SUPT5H: variants seen among roughly 807,000 people sequenced by gnomAD.
SUPT5H encodes the protein SPT5 homolog, DSIF elongation factor subunit.
SUPT5H carries 24 observed loss-of-function variants against 142.5 expected under a neutral mutation model. The observed-to-expected ratio is 0.17, with a 90% CI of 0.12 to 0.24. The LOEUF is 0.24. SUPT5H is among the 10% of genes least tolerant of loss of function. SUPT5H has a pLI of 1.00. For synonymous variants in SUPT5H, 546 were observed against 553.0 expected (o/e 0.99, Z 0.18); for missense variants, 893 against 1,471.8 (o/e 0.61, Z 6.43).
intron 2 of SUPT5H, among the ~76,000 whole-genome samples, chr19:39,446,984 G>C (rs757138182): frequency 1.3e-5 from 2 of 152,196 alleles, no homozygotes; most frequent in Non-Finnish European, 2.9e-5. Context: ...CTGCAGCCTG[G>C]GCGACGAGCA....
chr19:39,474,942 C>T lies in SUPT5H; in HGVS notation c.3024+224C>T. 1.7e-6 allele frequency: 1 copy of T among 600,432 alleles called. No individual in the cohort carries two copies. The highest frequency in any genetic ancestry group is 3.0e-6 in the Non-Finnish European group (1 of 338,854). 37.2% of individuals were successfully genotyped at this position (600,432 alleles called of 1,614,324 possible). On this transcript the variant is annotated intron_variant, in intron 28 of 29. Coordinates refer to ENST00000432763, the MANE Select transcript of SUPT5H (RefSeq NM_001111020.3). This position sits in a 1 kb window ranked among gnomAD's most constrained non-coding sequence, Gnocchi z 6.5. ...GGGGAAGGAGAAATCTGAGCCAAGA[C>T]CTGACAAATGAATAGGAGTAAGCTA...
intron 1 of SUPT5H, 25 bp downstream of exon 1, chr19:39,445,662 G>C: frequency 1.7e-6 from 1 of 573,406 alleles, no homozygotes. Flanking sequence ...AGAGGTGGCA[G>C]TTCCGGGCGC....
intron 2 of SUPT5H, among the ~76,000 whole-genome samples, chr19:39,446,491 CAT>C: frequency 6.6e-6 from 1 of 152,278 alleles, no homozygotes. Flanking sequence ...TGAGGGGTGA[CAT>C]TTGAGCAAAA....
chr19:39,461,821 CAAAA>C (rs747295729), intron 10 of SUPT5H, among the ~76,000 whole-genome samples: 24,445 of 128,368 alleles, frequency 0.19, 2,167 homozygotes, highest in Non-Finnish European at 0.2. Flanking sequence ...GAGACTGTCT[CAAAA>C]AAAAAAAAAA....
chr19:39,449,645 T>A (rs1230840426), intron 2 of SUPT5H, among the ~76,000 whole-genome samples: 4 of 149,720 alleles, frequency 2.7e-5, no homozygotes, highest in Non-Finnish European at 4.4e-5. Context: ...AAGGTTAGTT[T>A]GGTTTTTTTT....
intron 28 of SUPT5H, 68 bp from the exon 29 acceptor site, chr19:39,476,013 C>A: frequency 6.9e-7 from 1 of 1,443,248 alleles, no homozygotes; most frequent in Non-Finnish European, 9.7e-7. Context: ...GCCTGTGTCC[C>A]CTGGAGTATG....
rs1407665166 is a variant in SUPT5H at position 39,470,885 on chromosome 19, A to G, written c.1677+362A>G. On this transcript the variant is annotated intron_variant, in intron 18 of 29. Transcript: ENST00000432763. This position sits in a 1 kb window ranked among gnomAD's most constrained non-coding sequence, Gnocchi z 5.8. Reference sequence around the variant, plus strand: ...GGAGTCATGGAGCACAGTACTTAGGATCCTGGACTCCACATCCACATCTTG... The same window carrying G: ...GGAGTCATGGAGCACAGTACTTAGGGTCCTGGACTCCACATCCACATCTTG... Among the ~76,000 whole-genome samples, 1 of 151,894 alleles carries G rather than the reference A, an allele frequency of 6.6e-6. No homozygotes were observed. Among genetic ancestry groups the G allele is most frequent in the Non-Finnish European group, 1.5e-5 (1 of 67,974 alleles).
In SUPT5H at chr19:39,469,509, G is replaced by A. The variant is rs1445091228; in HGVS notation, c.1374+111G>A. ...TGACACCTGGTTTCCAGGAGGGTAA[G>A]TTGAGGCCCTTCTAGCATTCTCAGG... On this transcript the variant is annotated intron_variant, in intron 16 of 29. Transcript: ENST00000432763. The surrounding 1 kb of genome is among the most constrained non-coding windows in gnomAD (Gnocchi z 5.1). The A allele has an allele frequency of 4.0e-6, 6 of 1,490,544 alleles. No individual in the cohort carries two copies. The Admixed American group carries it at 5.6e-5, about 14-fold the overall frequency. 92.3% of individuals were successfully genotyped at this position (1,490,544 alleles called of 1,614,324 possible). A position where few individuals can be genotyped will look rare whatever the true frequency, so the allele number is the denominator to read the frequency against.
chr19:39,445,986 G>T, intron 2 of SUPT5H, 21 bp downstream of exon 2: 2 of 1,607,360 alleles, frequency 1.2e-6, no homozygotes, highest in Non-Finnish European at 1.7e-6. Flanking sequence ...GGGGCGCTGG[G>T]GGAGACATTG....
At chr19:39,457,126 C>T (rs2079100858) in intron 3 of SUPT5H, among the ~76,000 whole-genome samples, 1 of 152,202 alleles carries the variant, frequency 6.6e-6, no homozygotes, top group African/African-American at 2.4e-5. Flanking sequence ...CTCTCAGATC[C>T]CAGCTGAGTC....
In SUPT5H at chr19:39,469,654, G is replaced by A. The variant is rs2079291607; in HGVS notation, c.1374+256G>A. Reference sequence around the variant, plus strand: ...TTGTTTCTGAAAAGCAAGATATCTGGGTAGTACTGGGTTGAGAGTGTGATT... The same window carrying A: ...TTGTTTCTGAAAAGCAAGATATCTGAGTAGTACTGGGTTGAGAGTGTGATT... On this transcript the variant is annotated intron_variant, in intron 16 of 29. Coordinates refer to ENST00000432763, the MANE Select transcript of SUPT5H (RefSeq NM_001111020.3). The surrounding 1 kb of genome is among the most constrained non-coding windows in gnomAD (Gnocchi z 5.1). 3 of 574,634 alleles carry A rather than the reference G, an allele frequency of 5.2e-6. No homozygotes were observed. The highest frequency in any genetic ancestry group is 3.1e-6 in the Non-Finnish European group (1 of 321,426). The allele number at this position is 574,634 out of a possible 1,614,324, so 35.6% of individuals were successfully genotyped here. A position where few individuals can be genotyped will look rare whatever the true frequency, so the allele number is the denominator to read the frequency against.
Position 39,471,357 on chromosome 19 carries a change from G to T in SUPT5H, c.1678G>T (p.Val560Leu). The change falls in exon 19 of 30, where the codon GTG becomes TTG. Residue 560 changes from valine (V) to leucine (L), a missense_variant and splice_region_variant. Physicochemically the swap from Val to Leu is conservative, Grantham distance 32 (BLOSUM62 1). Coordinates refer to ENST00000432763, the MANE Select transcript of SUPT5H (RefSeq NM_001111020.3). ...CAGCCTCCCTGCTCTCCCTCTGTAG[G>T]TGCTGAACATGTACGGGAAGGTGGT... Reference protein sequence around the residue: ...IVRLERETFQVLNMYGKVVTV... With the variant: ...IVRLERETFQLLNMYGKVVTV... The T allele has an allele frequency of 6.2e-7, 1 of 1,614,156 alleles. No individual in the cohort carries two copies. Among genetic ancestry groups the T allele is most frequent in the Non-Finnish European group, 8.5e-7 (1 of 1,180,030 alleles).
At position 39,473,547 on chromosome 19, in the gene SUPT5H, GGT is replaced by G. The variant is rs1192904536; in HGVS notation, c.2492+32_2492+33del. ...GTGAGTCCAGGGTTCCCCAGGTTCT[GGT>G]GTGTGCTGGTGTGTGTGAGGGATGA... On this transcript the variant is annotated intron_variant, in intron 25 of 29. Coordinates refer to ENST00000432763, the MANE Select transcript of SUPT5H (RefSeq NM_001111020.3). This position sits in a 1 kb window ranked among gnomAD's most constrained non-coding sequence, Gnocchi z 5.8. The G allele has an allele frequency of 1.3e-6, 2 of 1,593,974 alleles. No homozygotes were observed. Among genetic ancestry groups the G allele is most frequent in the Non-Finnish European group, 1.7e-6 (2 of 1,174,132 alleles).
intron 3 of SUPT5H, 72 bp from the exon 4 acceptor site, chr19:39,457,603 G>C: frequency 4.4e-6 from 7 of 1,578,074 alleles, no homozygotes; most frequent in Non-Finnish European, 6.0e-6. Flanking sequence ...ATCTCCCAGA[G>C]GAGATGCTTC....
At chr19:39,467,924 C>G (rs921277527) in intron 13 of SUPT5H, 1 of 152,226 alleles carries the variant, frequency 6.6e-6, no homozygotes, top group Non-Finnish European at 1.5e-5. Flanking sequence ...CTGAACCTCT[C>G]TTTGCAAAGA....
At chr19:39,453,770 T>G (rs1410741199) in intron 3 of SUPT5H, among the ~76,000 whole-genome samples, 1 of 152,192 alleles carries the variant, frequency 6.6e-6, no homozygotes, top group Non-Finnish European at 1.5e-5. Flanking sequence ...TTTCACCTTG[T>G]TAGCCAGGGT....
chr19:39,454,306 C>T (rs991812373), intron 3 of SUPT5H, among the ~76,000 whole-genome samples: 1 of 151,642 alleles, frequency 6.6e-6, no homozygotes, highest in Non-Finnish European at 1.5e-5. Flanking sequence ...GTGTTAAATC[C>T]CTGTTAGTCA....
chr19:39,460,088 GCTGGAATAAGACCA>G (rs1458283872), intron 10 of SUPT5H, 128 bp downstream of exon 10: 1 of 887,350 alleles, frequency 1.1e-6, no homozygotes, highest in Admixed American at 2.0e-5. Flanking sequence ...AGCTGCTTGA[GCTGGAATAAGACCA>G]CTGCCTAGAT....
Position 39,470,387 on chromosome 19 carries a change from T to A in SUPT5H, c.1541T>A (p.Leu514His). The change falls in exon 18 of 30, where the codon CTC (leucine) becomes CAC (histidine). Residue 514 changes from leucine to histidine, a missense_variant. Leu to His is a moderately conservative substitution (Grantham distance 99). Coordinates refer to ENST00000432763, the MANE Select transcript of SUPT5H (RefSeq NM_001111020.3). The surrounding 1 kb of genome is among the most constrained non-coding windows in gnomAD (Gnocchi z 5.8). ...SDLTMHELKV[L>H]PRDLQLCSET... ...CACCATCCCTGGCAGCTGAAGGTGC[T>A]CCCCCGGGACCTGCAGCTCTGCTCA... 1.3e-6 allele frequency: 2 copies of A among 1,569,608 alleles called. No individual in the cohort carries two copies. Among genetic ancestry groups the A allele is most frequent in the Middle Eastern group, 3.4e-4 (2 of 5,868 alleles).
Sources: allele counts gnomAD v4.1 joint callset (sites outside exome capture counted in the v4.1 genomes callset), GRCh38; gene constraint gnomAD v4.1.1; non-coding constraint Gnocchi (gnomAD v3.1); transcripts MANE v1.5; gene names NCBI Gene and HGNC (gene_info 2026-07-23, HGNC 2026-07-21).